Variants in MROH2A observed in about 807,000 individuals in gnomAD.
The protein encoded by MROH2A is maestro heat like repeat family member 2A.
In MROH2A, 174 loss-of-function variants were observed where a neutral mutation model predicts 200.4. The observed-to-expected ratio is 0.87, with a 90% confidence interval of 0.77 to 0.98. The LOEUF (loss-of-function observed/expected upper bound fraction) is 0.98, where lower values mean the gene tolerates loss of function less well. Ranked by LOEUF, MROH2A falls within the 50% of genes least tolerant of loss-of-function variation. MROH2A has a pLI of 0.00. For synonymous variants in MROH2A, 829 were observed against 840.4 expected (o/e 0.99, Z 0.23); for missense variants, 2,045 against 2,139.6 (o/e 0.96, Z 0.87).
intron 26 of MROH2A, among the ~76,000 whole-genome samples, chr2:233,816,190 G>A (rs534380206): frequency 4.8e-4 from 73 of 152,238 alleles, no homozygotes; most frequent in African/African-American, 1.7e-3. Flanking sequence ...ATGTCTATTA[G>A]GCCAAGTTGG....
chr2:233,826,188 G>T (rs1704297528), intron 35 of MROH2A, among the ~76,000 whole-genome samples: 2 of 152,194 alleles, frequency 1.3e-5, no homozygotes, highest in Admixed American at 1.3e-4. Flanking sequence ...CTCCCAAAGT[G>T]CTGGGATTAC....
chr2:233,819,540 G>A (rs1394216073), intron 30 of MROH2A, 71 bp downstream of exon 30: 3 of 1,457,826 alleles, frequency 2.1e-6, no homozygotes, highest in African/African-American at 2.8e-5. Context: ...TGAGAGGGAA[G>A]GACGAGGGCC....
Position 233,789,547 on chromosome 2 carries a change from C to G in MROH2A, c.327C>G (p.Ile109Met). 5 of 1,488,240 alleles carry G rather than the reference C, an allele frequency of 3.4e-6. No individual in the cohort carries two copies. The highest frequency in any genetic ancestry group is 4.5e-6 in the Non-Finnish European group (5 of 1,118,634). The allele number at this position is 1,488,240 out of a possible 1,614,324, so 92.2% of individuals were successfully genotyped here. A position where few individuals can be genotyped will look rare whatever the true frequency, so the allele number is the denominator to read the frequency against. Residue 109 changes from isoleucine (I) to methionine (M), a missense_variant, in exon 4 of 42, where the codon ATC becomes ATG. By Grantham distance (10) the Ile-to-Met change is conservative. Transcript: ENST00000389758. Reference protein sequence around the residue: ...VNIYNILQDIIQQEGELEEQC... With the variant: ...VNIYNILQDIMQQEGELEEQC... ...TTTACAACATCCTCCAGGACATCAT[C>G]CAGCAGGAGGGGGAGCTGGAGGAGC... is the stretch of plus-strand genomic sequence containing the variant.
chr2:233,827,117 G>A (rs1704367489), intron 35 of MROH2A, among the ~76,000 whole-genome samples: 1 of 152,252 alleles, frequency 6.6e-6, no homozygotes, highest in African/African-American at 2.4e-5. Context: ...CTTTTACACT[G>A]TTGGTGGGAA....
At chr2:233,806,527 G>A (rs932683594) in intron 19 of MROH2A, among the ~76,000 whole-genome samples, 3 of 151,980 alleles carry the variant, frequency 2.0e-5, no homozygotes, top group African/African-American at 4.8e-5. Flanking sequence ...GAATTAAAAC[G>A]GATCATGAGA....
chr2:233,792,299 A>C (rs975822251), intron 5 of MROH2A, among the ~76,000 whole-genome samples: 6 of 141,680 alleles, frequency 4.2e-5, no homozygotes, highest in African/African-American at 8.0e-5. Context: ...TTCCTGTGTC[A>C]CCTGCTTCTA....
chr2:233,826,994 G>C (rs534521026), intron 35 of MROH2A, among the ~76,000 whole-genome samples: 2 of 152,300 alleles, frequency 1.3e-5, no homozygotes, highest in East Asian at 3.9e-4. Context: ...CTGATCATTA[G>C]GTAAATGCAA....
At chr2:233,822,666 G>C in intron 33 of MROH2A, 110 bp downstream of exon 33, 1 of 1,256,996 alleles carries the variant, frequency 8.0e-7, no homozygotes. Context: ...TCTCCTCCTG[G>C]TGGGATCTGA....
chr2:233,821,627 A>G (rs772495650), intron 31 of MROH2A, among the ~76,000 whole-genome samples: 7 of 152,176 alleles, frequency 4.6e-5, no homozygotes, highest in African/African-American at 7.2e-5. Context: ...TGGACTTGGA[A>G]ACCAGGAAGG....
At chr2:233,797,000 A>T (rs1702157329) in intron 11 of MROH2A, among the ~76,000 whole-genome samples, 1 of 152,208 alleles carries the variant, frequency 6.6e-6, no homozygotes, top group South Asian at 2.1e-4. Flanking sequence ...GCTAGAGTTC[A>T]CCTGGTCATT....
rs758357204 is a variant in MROH2A, at chr2:233,819,374, G to A, written c.3262G>A (p.Glu1088Lys). ...GGTCTCGCTCATCCAGAAGCTCTGC[G>A]AGAACACTGGGGCCATGAACCTGCA... is the stretch of plus-strand genomic sequence containing the variant. The part of the protein sequence containing the change: ...EVVSLIQKLC[E>K]NTGAMNLQHD... The change falls in exon 30 of 42, where the codon GAG becomes AAG. Residue 1088 changes from glutamate to lysine, a missense_variant. Glu to Lys is a moderately conservative substitution (Grantham distance 56, BLOSUM62 1). Transcript: ENST00000389758. 5.8e-6 allele frequency: 9 copies of A among 1,550,492 alleles called. No homozygotes were observed. In the Admixed American group the frequency reaches 5.9e-5, roughly 10 times the overall value.
At position 233,795,984 on chromosome 2, in the gene MROH2A, G is replaced by C. The variant is rs772866630; in HGVS notation, c.1077G>C (p.Pro359=). 1 of 1,550,458 alleles carries C rather than the reference G, an allele frequency of 6.4e-7. No homozygotes were observed. The highest frequency in any genetic ancestry group is 8.7e-7 in the Non-Finnish European group (1 of 1,146,972). ...CTCACCAGGTGTGCAACAAGGCCCCGGCCCAGCATCAGTACAGCAGCCAGA... is the reference window on the plus strand; with the variant it reads ...CTCACCAGGTGTGCAACAAGGCCCCCGCCCAGCATCAGTACAGCAGCCAGA... ...ELHVQVCNKA[P]AQHQYSSQNL... The change falls in exon 10 of 42, where the codon CCG becomes CCC. Residue 359 remains proline, a synonymous_variant. Transcript: ENST00000389758.
At chr2:233,808,225 G>A (rs1453740824) in intron 21 of MROH2A, among the ~76,000 whole-genome samples, 2 of 152,128 alleles carry the variant, frequency 1.3e-5, no homozygotes, top group Non-Finnish European at 2.9e-5. Flanking sequence ...AGTGCTCAGT[G>A]GGTGCTTGAC....
chr2:233,787,430 CAT>C (rs1468865002), intron 3 of MROH2A, among the ~76,000 whole-genome samples: 11 of 134,558 alleles, frequency 8.2e-5, no homozygotes, highest in South Asian at 2.2e-4. Context: ...CACACACACA[CAT>C]ATGTATATAC....
rs1574625981 is a variant in MROH2A at position 233,831,437 on chromosome 2, T to G, written c.4631T>G (p.Val1544Gly). Residue 1544 changes from valine to glycine, a missense_variant, in exon 39 of 42, where the codon GTG (valine) becomes GGG (glycine). Physicochemically the swap from Val to Gly is moderately radical, Grantham distance 109. Coordinates refer to ENST00000389758, the MANE Select transcript of MROH2A (RefSeq NM_001394639.1). ...QACMATMFQC[V>G]HFWGWKSLEH... Reference sequence around the variant, plus strand: ...TGTATGGCTACCATGTTTCAGTGTGTGCACTTCTGGGGCTGGAAGTCCCTG... The same window carrying G: ...TGTATGGCTACCATGTTTCAGTGTGGGCACTTCTGGGGCTGGAAGTCCCTG... The G allele has an allele frequency of 6.4e-7, 1 of 1,550,434 alleles. No homozygotes were observed. Among genetic ancestry groups the G allele is most frequent in the East Asian group, 2.4e-5 (1 of 40,898 alleles).
chr2:233,795,892 G>C (rs760716687), intron 9 of MROH2A, 75 bp from the exon 10 acceptor site: 24 of 1,529,612 alleles, frequency 1.6e-5, no homozygotes, highest in Non-Finnish European at 2.0e-5. Context: ...TGCAGCCCCA[G>C]GTATGGTCAG....
rs1009178985 is a variant in MROH2A, at chr2:233,820,178, G to A, written c.3512+122G>A. 15 of 848,130 alleles carry A rather than the reference G, an allele frequency of 1.8e-5. No homozygotes were observed. The highest frequency in any genetic ancestry group is 3.6e-5 in the Admixed American group (1 of 27,616). The allele number at this position is 848,130 out of a possible 1,614,324, so 52.5% of individuals were successfully genotyped here. The stretch of plus-strand genomic sequence containing the variant: ...AGTACCCTGCCCCACCCTGAAGGAG[G>A]TCGAAGCCCTCTTCCTGTACCTCCT... On this transcript the variant is annotated intron_variant, in intron 31 of 41. Coordinates refer to ENST00000389758, the MANE Select transcript of MROH2A (RefSeq NM_001394639.1). This position sits in a 1 kb window ranked among gnomAD's most constrained non-coding sequence, Gnocchi z 4.1.
intron 35 of MROH2A, among the ~76,000 whole-genome samples, chr2:233,824,542 G>T (rs1159974003): frequency 1.3e-5 from 2 of 152,198 alleles, no homozygotes; most frequent in African/African-American, 4.8e-5. Context: ...AATTTTCAGC[G>T]GCTGGAAGCC....
In MROH2A at chr2:233,823,126, T is replaced by C. The variant is rs1036098402; in HGVS notation, c.4004+108T>C. 1.5e-5 allele frequency: 18 copies of C among 1,231,246 alleles called. No individual in the cohort carries two copies. The Admixed American group carries it at 3.5e-4, about 24-fold the overall frequency. 76.3% of individuals were successfully genotyped at this position (1,231,246 alleles called of 1,614,324 possible). ...GGTCCAGTCATGGCTGAAGGCCTTCTTTCTGGGGGAACTGCCACGCCAACC... is the reference window on the plus strand; with the variant it reads ...GGTCCAGTCATGGCTGAAGGCCTTCCTTCTGGGGGAACTGCCACGCCAACC... On this transcript the variant is annotated intron_variant, in intron 34 of 41. Coordinates refer to ENST00000389758, the MANE Select transcript of MROH2A (RefSeq NM_001394639.1).
Sources: gnomAD v4.1 joint callset for allele counts (sites outside exome capture counted in the v4.1 genomes callset) on GRCh38, gnomAD v4.1.1 for gene constraint, Gnocchi (gnomAD v3.1) non-coding constraint, MANE v1.5 for transcripts, NCBI Gene and HGNC (gene_info 2026-07-23, HGNC 2026-07-21) for gene names.